Variants in CPNE6 observed in about 807,000 individuals in gnomAD.
The protein encoded by CPNE6 is copine 6.
CPNE6 carries 33 observed loss-of-function variants against 71.5 expected under a neutral mutation model. That is an observed-to-expected ratio of 0.46 (90% CI 0.35 to 0.62). The LOEUF (loss-of-function observed/expected upper bound fraction) is 0.62, where lower values mean the gene tolerates loss of function less well. CPNE6 is among the 20% of genes least tolerant of loss of function. CPNE6 has a pLI of 0.00. For missense variants in CPNE6, 576 were observed against 747.3 expected (o/e 0.77, Z 2.67); for synonymous variants, 296 against 293.0 (o/e 1.01, Z -0.10).
rs1308748082 is a variant in CPNE6 at position 24,074,823 on chromosome 14, CTACT to C, written c.672+31_672+34del. The C allele has an allele frequency of 6.3e-7, 1 of 1,587,878 alleles. No homozygotes were observed. Among genetic ancestry groups the C allele is most frequent in the Non-Finnish European group, 8.6e-7 (1 of 1,162,246 alleles). On this transcript the variant is annotated intron_variant, in intron 8 of 17. Coordinates refer to ENST00000397016, the Ensembl canonical transcript of CPNE6. This position sits in a 1 kb window ranked among gnomAD's most constrained non-coding sequence, Gnocchi z 4.5. ...GAAGTCCCAGCCAAGCCAGCACAGCCTACTTAGAGCAACCAATCTGCTATCTAAG... is the reference window on the plus strand; with the variant it reads ...GAAGTCCCAGCCAAGCCAGCACAGCCTAGAGCAACCAATCTGCTATCTAAG...
In CPNE6 at chr14:24,073,016, C is replaced by T. The variant is rs1291499118; in HGVS notation, c.80C>T (p.Ser27Phe). The T allele has an allele frequency of 3.8e-6, 6 of 1,579,092 alleles. No homozygotes were observed. Among genetic ancestry groups the T allele is most frequent in the Non-Finnish European group, 5.2e-6 (6 of 1,164,220 alleles). The change falls in exon 3 of 18, where the codon TCC (serine) becomes TTC (phenylalanine). Residue 27 changes from serine (S) to phenylalanine (F), a missense_variant. Around this residue, in one of 4 missense-constraint regions of CPNE6, gnomAD observed 89 missense variants for 80.4 expected, o/e 1.11. Coordinates refer to ENST00000397016, the Ensembl canonical transcript of CPNE6. The surrounding 1 kb of genome is among the most constrained non-coding windows in gnomAD (Gnocchi z 5.5). ...GCCTCTCGGGTGGAGCTGCGGGTGT[C>T]CTGCCATGGCCTCCTGGACCGGGAC...
At position 24,073,212 on chromosome 14, in the gene CPNE6, G is replaced by A. The variant is rs2035956560; in HGVS notation, c.168+108G>A. The A allele has an allele frequency of 1.6e-6, 2 of 1,251,022 alleles. No individual in the cohort carries two copies. The highest frequency in any genetic ancestry group is 1.6e-5 in the African/African-American group (1 of 64,452). 77.5% of individuals were successfully genotyped at this position (1,251,022 alleles called of 1,614,324 possible). A position where few individuals can be genotyped will look rare whatever the true frequency, so the allele number is the denominator to read the frequency against. On this transcript the variant is annotated intron_variant, in intron 3 of 17. Coordinates refer to ENST00000397016, the Ensembl canonical transcript of CPNE6. This position sits in a 1 kb window ranked among gnomAD's most constrained non-coding sequence, Gnocchi z 5.5. ...TGCAGGGAAATGTGTGGACTCTGCG[G>A]CGCCTTCTCGAGGCCGCTTGGGTAC...
chr14:24,073,976 A>T lies in CPNE6; in HGVS notation c.349-75A>T. On this transcript the variant is annotated intron_variant, in intron 4 of 17. Transcript: ENST00000397016. This position sits in a 1 kb window ranked among gnomAD's most constrained non-coding sequence, Gnocchi z 5.5. Reference sequence around the variant, plus strand: ...ACCCTTGCAGACACTCAGAGCATTTATTATTCCATCCCTTGTACGTGGCCA... The same window carrying T: ...ACCCTTGCAGACACTCAGAGCATTTTTTATTCCATCCCTTGTACGTGGCCA... 1 of 1,343,810 alleles carries T rather than the reference A, an allele frequency of 7.4e-7. No individual in the cohort carries two copies. The highest frequency in any genetic ancestry group is 1.1e-6 in the Non-Finnish European group (1 of 934,234). The allele number at this position is 1,343,810 out of a possible 1,614,324, so 83.2% of individuals were successfully genotyped here.
At position 24,074,465 on chromosome 14, in the gene CPNE6, G is replaced by A; in HGVS notation, c.499-66G>A. ...CCCAGGCCTGCTCTCTTCCCAGTGG[G>A]AGCCCATCCCCCACCCTCCTTGCAG... is the stretch of plus-strand genomic sequence containing the variant. On this transcript the variant is annotated intron_variant, in intron 6 of 17. Transcript: ENST00000397016. This position sits in a 1 kb window ranked among gnomAD's most constrained non-coding sequence, Gnocchi z 4.5. 3.2e-6 allele frequency: 5 copies of A among 1,587,160 alleles called. No homozygotes were observed. The highest frequency in any genetic ancestry group is 1.1e-5 in the South Asian group (1 of 89,824).
exon 3 of CPNE6, chr14:24,072,975 A>C (rs780618005): frequency 1.3e-6 from 2 of 1,585,082 alleles, no homozygotes; most frequent in South Asian, 1.1e-5. Context: ...CTGAGCCCCC[A>C]ACCATGACGC....
At chr14:24,076,656 A>C (rs1594233829) in intron 14 of CPNE6, 99 bp downstream of exon 13, 2 of 1,535,226 alleles carry the variant, frequency 1.3e-6, no homozygotes, top group South Asian at 2.2e-5. Flanking sequence ...TGTCCCTTCC[A>C]CCCATCCCAG....
chr14:24,077,290 T>C lies in CPNE6; in HGVS notation c.1436T>C (p.Met479Thr), dbSNP rs2036115898. 2 of 1,613,872 alleles carry C rather than the reference T, an allele frequency of 1.2e-6. No individual in the cohort carries two copies. The highest frequency in any genetic ancestry group is 1.7e-6 in the Non-Finnish European group (2 of 1,180,022). Residue 479 changes from methionine (M) to threonine (T), a missense_variant, in exon 16 of 18, where the codon ATG becomes ACG. Met to Thr is a moderately conservative substitution (Grantham distance 81). Around this residue, in one of 4 missense-constraint regions of CPNE6, gnomAD observed 264 missense variants for 339.9 expected, o/e 0.78. Coordinates refer to ENST00000397016, the Ensembl canonical transcript of CPNE6. The surrounding 1 kb of genome is among the most constrained non-coding windows in gnomAD (Gnocchi z 6.1). Reference sequence around the variant, plus strand: ...GTGGGCAATGCTGACTTCTCTGACATGCGGCTGCTGGATGGCGACGACGGC... The same window carrying C: ...GTGGGCAATGCTGACTTCTCTGACACGCGGCTGCTGGATGGCGACGACGGC...
At position 24,071,039 on chromosome 14, in the gene CPNE6, G is replaced by A. The variant is rs139879780; in HGVS notation, c.-120+11G>A. 2,989 of 1,535,400 alleles carry A rather than the reference G, an allele frequency of 1.9e-3. 4 individuals carry two copies. Among genetic ancestry groups the A allele is most frequent in the Admixed American group, 3.6e-3 (182 of 50,994 alleles). On this transcript the variant is annotated intron_variant, in intron 1 of 17. Transcript: ENST00000397016. ...CCTGCTGTATTCCGGGTTAGTTTGA[G>A]TGAGTACATGTGTGACAAGGACAGC...
At position 24,076,935 on chromosome 14, in the gene CPNE6, G is replaced by A; in HGVS notation, c.1222G>A (p.Gly408Ser). The stretch of plus-strand genomic sequence containing the variant: ...TTGCCTGCCCCAGATCCAGCTCTAC[G>A]GCCCCACCAATGTGGCCCCCATCAT... The change falls in exon 15 of 18, where the codon GGC becomes AGC. Residue 408 changes from glycine to serine, a missense_variant. Physicochemically the swap from Gly to Ser is moderately conservative, Grantham distance 56 (BLOSUM62 0). Around this residue, in one of 4 missense-constraint regions of CPNE6, gnomAD observed 264 missense variants for 339.9 expected, o/e 0.78. Transcript: ENST00000397016. 5 of 1,613,238 alleles carry A rather than the reference G, an allele frequency of 3.1e-6. No individual in the cohort carries two copies. The highest frequency in any genetic ancestry group is 4.2e-6 in the Non-Finnish European group (5 of 1,180,024).
Position 24,075,868 on chromosome 14 carries a change from C to T in CPNE6, c.906C>T (p.Gly302=). 6.2e-7 allele frequency: 1 copy of T among 1,614,096 alleles called. No individual in the cohort carries two copies. The highest frequency in any genetic ancestry group is 8.5e-7 in the Non-Finnish European group (1 of 1,180,000). Residue 302 remains glycine, a synonymous_variant, in exon 11 of 18, where the codon GGC becomes GGT. Coordinates refer to ENST00000397016, the Ensembl canonical transcript of CPNE6. The surrounding 1 kb of genome is among the most constrained non-coding windows in gnomAD (Gnocchi z 4.3). ...CCTTCCTGGATTACATCATGGGTGGCTGCCAGATCAGCTTCACGGTAAAGA... is the reference window on the plus strand; with the variant it reads ...CCTTCCTGGATTACATCATGGGTGGTTGCCAGATCAGCTTCACGGTAAAGA...
At position 24,077,693 on chromosome 14, in the gene CPNE6, C is replaced by A. The variant is rs756463065; in HGVS notation, c.1637C>A (p.Pro546His). The change falls in exon 17 of 18, where the codon CCC becomes CAC. Residue 546 changes from proline (P) to histidine (H), a missense_variant. Physicochemically the swap from Pro to His is moderately conservative, Grantham distance 77. Around this residue, in one of 4 missense-constraint regions of CPNE6, gnomAD observed 264 missense variants for 339.9 expected, o/e 0.78. Coordinates refer to ENST00000397016, the Ensembl canonical transcript of CPNE6. The surrounding 1 kb of genome is among the most constrained non-coding windows in gnomAD (Gnocchi z 6.1). ...GGCATCAGCCCTGGGGCTCCCAGGC[C>A]CTGCACACTGGCTACGACTCCCAGC... The A allele has an allele frequency of 3.2e-6, 5 of 1,564,788 alleles. No homozygotes were observed. Among genetic ancestry groups the A allele is most frequent in the Non-Finnish European group, 4.3e-6 (5 of 1,157,834 alleles).
At position 24,074,335 on chromosome 14, in the gene CPNE6, C is replaced by T. The variant is rs532254277; in HGVS notation, c.468C>T (p.Leu156=). 32 of 1,565,982 alleles carry T rather than the reference C, an allele frequency of 2.0e-5. No individual in the cohort carries two copies. In the South Asian group the frequency reaches 3.9e-4, roughly 19 times the overall value. The change falls in exon 6 of 18, where the codon CTC becomes CTT. Residue 156 remains leucine (L), a synonymous_variant. Coordinates refer to ENST00000397016, the Ensembl canonical transcript of CPNE6. The surrounding 1 kb of genome is among the most constrained non-coding windows in gnomAD (Gnocchi z 4.5). ...CAGGCACAAACGACTATGTGCAACT[C>T]ACCTTCAGAGCCTACAAGCTGGACA...
At chr14:24,071,514 C>G in intron 1 of CPNE6, 48 bp from the exon 1 acceptor site, 1 of 1,507,754 alleles carries the variant, frequency 6.6e-7, no homozygotes, top group Non-Finnish European at 8.8e-7. Context: ...CCCCCCCACC[C>G]CTCCCCATCC....
At chr14:24,071,462 TC>T in intron 1 of CPNE6, 99 bp from the exon 1 acceptor site, 2 of 1,512,148 alleles carry the variant, frequency 1.3e-6, no homozygotes, top group Non-Finnish European at 1.8e-6. Context: ...TTCCCTCTTC[TC>T]CCTCCCAATC....
At position 24,074,169 on chromosome 14, in the gene CPNE6, T is replaced by C; in HGVS notation, c.423+44T>C. The C allele has an allele frequency of 6.3e-7, 1 of 1,597,316 alleles. No homozygotes were observed. Among genetic ancestry groups the C allele is most frequent in the Non-Finnish European group, 8.6e-7 (1 of 1,164,676 alleles). On this transcript the variant is annotated intron_variant, in intron 5 of 17. Transcript: ENST00000397016. This position sits in a 1 kb window ranked among gnomAD's most constrained non-coding sequence, Gnocchi z 4.5. Reference sequence around the variant, plus strand: ...ACTCACCCTTGGTCCAGGTATTCAATGCCCCTGCATGGACACCTATGGTGA... The same window carrying C: ...ACTCACCCTTGGTCCAGGTATTCAACGCCCCTGCATGGACACCTATGGTGA...
rs993791787 is a variant in CPNE6, at chr14:24,074,046, C to T, written c.349-5C>T. Reference sequence around the variant, plus strand: ...AGCTGGGTCTCCCTCCACCTCCATCCCCAGATTGTGTCACAAACCAAGGTC... The same window carrying T: ...AGCTGGGTCTCCCTCCACCTCCATCTCCAGATTGTGTCACAAACCAAGGTC... On this transcript the variant is annotated splice_region_variant and splice_polypyrimidine_tract_variant and intron_variant, in intron 4 of 17. Coordinates refer to ENST00000397016, the Ensembl canonical transcript of CPNE6. The surrounding 1 kb of genome is among the most constrained non-coding windows in gnomAD (Gnocchi z 4.5). The T allele has an allele frequency of 1.2e-6, 2 of 1,613,952 alleles. No homozygotes were observed. The highest frequency in any genetic ancestry group is 2.7e-5 in the African/African-American group (2 of 75,016).
Position 24,073,400 on chromosome 14 carries a change from G to A in CPNE6, c.169-99G>A, listed in dbSNP as rs1237597581. 1.0e-5 allele frequency: 14 copies of A among 1,337,838 alleles called. No individual in the cohort carries two copies. Among genetic ancestry groups the A allele is most frequent in the Non-Finnish European group, 1.3e-5 (13 of 974,750 alleles). 82.9% of individuals were successfully genotyped at this position (1,337,838 alleles called of 1,614,324 possible). ...AGAAGAGCTGGTTGCTGGGGACGTGGGGGCCCAAGAAGAGCTGGCATGACT... is the reference window on the plus strand; with the variant it reads ...AGAAGAGCTGGTTGCTGGGGACGTGAGGGCCCAAGAAGAGCTGGCATGACT... On this transcript the variant is annotated intron_variant, in intron 3 of 17. Coordinates refer to ENST00000397016, the Ensembl canonical transcript of CPNE6. This position sits in a 1 kb window ranked among gnomAD's most constrained non-coding sequence, Gnocchi z 5.5.
intron 14 of CPNE6, 129 bp downstream of exon 13, chr14:24,076,686 G>A: frequency 6.8e-7 from 1 of 1,460,662 alleles, no homozygotes; most frequent in Non-Finnish European, 9.5e-7. Flanking sequence ...TATCAGGTGA[G>A]GCTTCCAGGG....
At chr14:24,071,501 G>GCCCCCCC in intron 1 of CPNE6, 61 bp from the exon 1 acceptor site, 4 of 1,416,704 alleles carry the variant, frequency 2.8e-6, no homozygotes, top group African/African-American at 1.5e-5. Context: ...CTGGTGCTGC[G>GCCCCCCC]CCCCCCCCCA....
Sources: allele counts gnomAD v4.1 joint callset, GRCh38; gene constraint gnomAD v4.1.1; regional missense constraint gnomAD v4.1.1; non-coding constraint Gnocchi (gnomAD v3.1); transcripts MANE v1.5; gene names NCBI Gene and HGNC (gene_info 2026-07-23, HGNC 2026-07-21).